The following PTPRH variants were observed in gnomAD, a reference collection of about 807,000 sequenced individuals.
PTPRH encodes protein tyrosine phosphatase receptor type H, also known as receptor-type tyrosine-protein phosphatase H.
A neutral mutation model predicts 130.2 loss-of-function variants in PTPRH; 113 were observed. That is an observed-to-expected ratio of 0.87 (90% CI 0.75 to 1.01). The LOEUF is 1.01. PTPRH is among the 50% of genes least tolerant of loss of function. PTPRH has a pLI of 0.00. For missense variants in PTPRH, 1,430 were observed against 1,425.0 expected (o/e 1.00, Z -0.06); for synonymous variants, 556 against 577.9 (o/e 0.96, Z 0.54).
Position 55,197,117 on chromosome 19 carries a change from A to C in PTPRH, c.1990T>G (p.Tyr664Asp). ...TTGAAGGCAGGAAGGGGATTCTCAC[A>C]TGTGGACGCACAGAGGCTCTGCGTG... is the stretch of plus-strand genomic sequence containing the variant. ...SSTQSLCAST[Y>D]PDTVTITSCV... The change falls in exon 9 of 20, where the codon TAC becomes GAC. Residue 664 changes from tyrosine (Y) to aspartate (D), a missense_variant and splice_region_variant. By Grantham distance (160) the Tyr-to-Asp change is radical. Transcript: ENST00000376350. 1.2e-6 allele frequency: 2 copies of C among 1,613,400 alleles called. No individual in the cohort carries two copies. The highest frequency in any genetic ancestry group is 1.7e-6 in the Non-Finnish European group (2 of 1,179,358).
chr19:55,187,467 G>A lies in PTPRH; in HGVS notation c.2566+46C>T, dbSNP rs373414025. On this transcript the variant is annotated intron_variant, in intron 14 of 19. Transcript: ENST00000376350. The stretch of plus-strand genomic sequence containing the variant: ...GAGAAGGGGACTGGGGTGGGGTGCC[G>A]ACTAGATCAGGGCTGGGACAAAAGC... The A allele has an allele frequency of 2.8e-4, 429 of 1,523,098 alleles. 1 individual carries two copies. Among genetic ancestry groups the A allele is most frequent in the Admixed American group, 1.1e-3 (65 of 59,512 alleles). 94.3% of individuals were successfully genotyped at this position (1,523,098 alleles called of 1,614,324 possible). A position where few individuals can be genotyped will look rare whatever the true frequency, so the allele number is the denominator to read the frequency against.
intron 3 of PTPRH, among the ~76,000 whole-genome samples, chr19:55,206,019 G>A (rs1210554729): frequency 6.6e-6 from 1 of 152,140 alleles, no homozygotes; most frequent in African/African-American, 2.4e-5. Context: ...GATCACCTGA[G>A]GTCAGGAGTT....
chr19:55,203,905 G>C lies in PTPRH; in HGVS notation c.763C>G (p.Arg255Gly), dbSNP rs762593249. 6.8e-6 allele frequency: 11 copies of C among 1,614,012 alleles called. No homozygotes were observed. Among genetic ancestry groups the C allele is most frequent in the Non-Finnish European group, 9.3e-6 (11 of 1,180,044 alleles). Residue 255 changes from arginine to glycine, a missense_variant, in exon 5 of 20, where the codon CGA (arginine) becomes GGA (glycine). Arg to Gly is a moderately radical substitution (Grantham distance 125, BLOSUM62 -2). Coordinates refer to ENST00000376350, the MANE Select transcript of PTPRH (RefSeq NM_002842.5). ...CTGDGGRTET[R>G]NTTDTRVTVD... ...GTGACTCTGGTGTCTGTTGTGTTTC[G>C]AGTCTCTGTTCTGCCACCATCTCCA... is the stretch of plus-strand genomic sequence containing the variant.
chr19:55,183,401 T>TC (rs1268249603), intron 18 of PTPRH, among the ~76,000 whole-genome samples: 1 of 147,428 alleles, frequency 6.8e-6, no homozygotes, highest in Non-Finnish European at 1.5e-5. Context: ...CAAGATTCCG[T>TC]CCCCCACAAA....
chr19:55,197,520 G>T, intron 8 of PTPRH, 104 bp from the exon 9 acceptor site: 1 of 1,088,094 alleles, frequency 9.2e-7, no homozygotes, highest in Non-Finnish European at 1.3e-6. Flanking sequence ...CATTATTGAT[G>T]GCTCCAGTGG....
chr19:55,202,537 C>T (rs1027104210), intron 5 of PTPRH, among the ~76,000 whole-genome samples: 12 of 151,940 alleles, frequency 7.9e-5, no homozygotes, highest in African/African-American at 2.9e-4. Context: ...CACCGGCTTT[C>T]GAAGAGTTCG....
At chr19:55,204,900 C>A (rs2086994557) in intron 4 of PTPRH, among the ~76,000 whole-genome samples, 2 of 152,124 alleles carry the variant, frequency 1.3e-5, no homozygotes, top group South Asian at 4.1e-4. Context: ...CCATATCGGA[C>A]AATGGAGATC....
chr19:55,197,380 T>C lies in PTPRH; in HGVS notation c.1727A>G (p.Gln576Arg), dbSNP rs199733934. The C allele has an allele frequency of 3.0e-5, 48 of 1,613,532 alleles. No homozygotes were observed. The highest frequency in any genetic ancestry group is 7.6e-6 in the Non-Finnish European group (9 of 1,179,536). Residue 576 changes from glutamine to arginine, a missense_variant, in exon 9 of 20, where the codon CAG becomes CGG. Transcript: ENST00000376350. Reference sequence around the variant, plus strand: ...CCACAGCATGACTGAGTTCTTAGTCTGAGTTTCATTCTGGAGATCTGTGAC... The same window carrying C: ...CCACAGCATGACTGAGTTCTTAGTCCGAGTTTCATTCTGGAGATCTGTGAC... Reference protein sequence around the residue: ...NEVTDLQNETQTKNSVMLWWK... With the variant: ...NEVTDLQNETRTKNSVMLWWK...
At chr19:55,202,875 C>A (rs1243920112) in intron 5 of PTPRH, among the ~76,000 whole-genome samples, 1 of 151,774 alleles carries the variant, frequency 6.6e-6, no homozygotes, top group African/African-American at 2.4e-5. Flanking sequence ...CCCGTCTCTA[C>A]TAAAAATACA....
chr19:55,185,514 A>G lies in PTPRH; in HGVS notation c.3050T>C (p.Ile1017Thr), dbSNP rs763129112. The change falls in exon 18 of 20, where the codon ATT becomes ACT. Residue 1017 changes from isoleucine (I) to threonine (T), a missense_variant. Coordinates refer to ENST00000376350, the MANE Select transcript of PTPRH (RefSeq NM_002842.5). Reference protein sequence around the residue: ...LDQTMEGGPPIVHCSAGVGRT... With the variant: ...LDQTMEGGPPTVHCSAGVGRT... ...GGCTGGTCCCCACCTGCAGTGCACA[A>G]TGGGTGGGCCTCCCTCCATGGTCTG... The G allele has an allele frequency of 1.2e-5, 19 of 1,614,032 alleles. No homozygotes were observed. In the South Asian group the frequency reaches 2.0e-4, roughly 17 times the overall value.
chr19:55,206,590 T>C (rs1215848056), intron 3 of PTPRH, 99 bp downstream of exon 3: 3 of 1,272,826 alleles, frequency 2.4e-6, no homozygotes, highest in Non-Finnish European at 1.1e-6. Context: ...ACTGTGTTTC[T>C]ATCCAACTAA....
In PTPRH at chr19:55,191,562, G is replaced by C. The variant is rs775112393; in HGVS notation, c.2337-14C>G. 2 of 1,614,110 alleles carry C rather than the reference G, an allele frequency of 1.2e-6. No homozygotes were observed. Among genetic ancestry groups the C allele is most frequent in the Non-Finnish European group, 1.7e-6 (2 of 1,179,958 alleles). ...TTCTTCTTATTCCTGGGAAAAGGAC[G>C]TTAGGATGAGAGGCTCAGGGGGTGA... is the stretch of plus-strand genomic sequence containing the variant. On this transcript the variant is annotated splice_polypyrimidine_tract_variant and intron_variant, in intron 11 of 19. Transcript: ENST00000376350.
intron 8 of PTPRH, 60 bp from the exon 9 acceptor site, chr19:55,197,476 G>C: frequency 1.4e-6 from 2 of 1,475,714 alleles, no homozygotes; most frequent in Non-Finnish European, 9.3e-7. Flanking sequence ...ACCCCAGCCT[G>C]TCTGCCTCTC....
chr19:55,207,619 TCTCG>T (rs1568932267), intron 1 of PTPRH, among the ~76,000 whole-genome samples: 1 of 131,900 alleles, frequency 7.6e-6, no homozygotes, highest in South Asian at 2.6e-4. Flanking sequence ...GGGCTGGGGG[TCTCG>T]ACCTCTGGTT....
chr19:55,188,077 C>G lies in PTPRH; in HGVS notation c.2475+1G>C. ...GCTCAGCCCCTCTGTCCTCTCCCCACCTGGTACTCGTCTGCAAAACCACAG... is the reference window on the plus strand; with the variant it reads ...GCTCAGCCCCTCTGTCCTCTCCCCAGCTGGTACTCGTCTGCAAAACCACAG... On this transcript the variant is annotated splice_donor_variant, in intron 13 of 19. Transcript: ENST00000376350. LOFTEE classifies it high-confidence loss of function. 1 of 1,613,524 alleles carries G rather than the reference C, an allele frequency of 6.2e-7. No homozygotes were observed. The highest frequency in any genetic ancestry group is 8.5e-7 in the Non-Finnish European group (1 of 1,179,436).
At chr19:55,183,177 C>T (rs1184733951) in intron 18 of PTPRH, among the ~76,000 whole-genome samples, 3 of 144,484 alleles carry the variant, frequency 2.1e-5, no homozygotes, top group African/African-American at 2.6e-5. Context: ...GGGTGGATCA[C>T]GAGGTCAGGA....
In PTPRH at chr19:55,197,065, G is replaced by T. The variant is rs891872921; in HGVS notation, c.1990+52C>A. On this transcript the variant is annotated intron_variant, in intron 9 of 19. Transcript: ENST00000376350. ...TTCCATTCATCTCTCAGCTCGCAAG[G>T]ACTGTGAGCTAAGCCCAGTTCACCA... is the stretch of plus-strand genomic sequence containing the variant. 9.5e-6 allele frequency: 15 copies of T among 1,581,648 alleles called. No individual in the cohort carries two copies. The African/African-American group carries it at 1.9e-4, about 20-fold the overall frequency.
At chr19:55,201,304 G>T (rs1307044280) in intron 6 of PTPRH, among the ~76,000 whole-genome samples, 2 of 151,998 alleles carry the variant, frequency 1.3e-5, no homozygotes, top group African/African-American at 4.8e-5. Context: ...TTCAGCCCAG[G>T]AATTTGAGGC....
At chr19:55,199,554 G>A (rs547850178) in intron 7 of PTPRH, among the ~76,000 whole-genome samples, 1 of 150,104 alleles carries the variant, frequency 6.7e-6, no homozygotes, top group East Asian at 2.0e-4. Context: ...GCAGTGAGCT[G>A]AGATTGTGCT....
Sources: allele counts gnomAD v4.1 joint callset (sites outside exome capture counted in the v4.1 genomes callset), GRCh38; gene constraint gnomAD v4.1.1; transcripts MANE v1.5; gene names NCBI Gene and HGNC (gene_info 2026-07-23, HGNC 2026-07-21).